Variants in APP observed in about 807,000 individuals in gnomAD.
APP encodes amyloid beta precursor protein.
APP carries 31 observed loss-of-function variants against 101.4 expected under a neutral mutation model. The ratio of observed to expected loss-of-function variants is 0.31; its 90% CI spans 0.23 to 0.41. The LOEUF (loss-of-function observed/expected upper bound fraction) is 0.41. APP is among the 10% of genes least tolerant of loss of function. The pLI is 1.00. For synonymous variants in APP, 366 were observed against 364.4 expected (o/e 1.00, Z -0.05); for missense variants, 839 against 1,003.7 (o/e 0.84, Z 2.22).
chr21:26,053,177 T>C (rs1202302120), intron 4 of APP, 59 bp downstream of exon 4: 1 of 1,292,030 alleles, frequency 7.7e-7, no homozygotes, highest in Admixed American at 1.7e-5. Flanking sequence ...TAAAATGCCA[T>C]TAAGCACGTC....
intron 13 of APP, among the ~76,000 whole-genome samples, chr21:25,927,061 C>G (rs1306703012): frequency 6.6e-6 from 1 of 150,810 alleles, no homozygotes; most frequent in Non-Finnish European, 1.5e-5. Flanking sequence ...TCACAAGCAC[C>G]CTCTTTTTCA....
At chr21:25,948,932 A>G (rs1042085070) in intron 13 of APP, among the ~76,000 whole-genome samples, 16 of 152,214 alleles carry the variant, frequency 1.1e-4, no homozygotes, top group African/African-American at 3.9e-4. Context: ...ACTGAAGAGG[A>G]GCCATAGTTT....
chr21:26,152,227 G>A (rs1022898596), intron 1 of APP, among the ~76,000 whole-genome samples: 14 of 141,564 alleles, frequency 9.9e-5, no homozygotes, highest in South Asian at 9.0e-4. Context: ...GGAGCTTGCA[G>A]TGAGCCGAGA....
chr21:25,923,423 T>G (rs1210471591), intron 13 of APP, among the ~76,000 whole-genome samples: 1 of 139,142 alleles, frequency 7.2e-6, no homozygotes, highest in Non-Finnish European at 1.5e-5. Context: ...CAAAAGAAAC[T>G]ACCATCAGAG....
intron 8 of APP, among the ~76,000 whole-genome samples, chr21:25,986,343 ATTT>A (rs1381453651): frequency 2.0e-5 from 3 of 152,178 alleles, no homozygotes; most frequent in African/African-American, 7.2e-5. Flanking sequence ...CTGGTTTTGC[ATTT>A]TAAACTACCA....
chr21:26,106,867 T>C (rs770518773), intron 2 of APP, among the ~76,000 whole-genome samples: 3 of 152,218 alleles, frequency 2.0e-5, no homozygotes, highest in Admixed American at 6.5e-5. Flanking sequence ...TTTCCTGCAA[T>C]GGACTACAAC....
At chr21:26,113,325 C>T (rs1464824965) in intron 1 of APP, among the ~76,000 whole-genome samples, 2 of 152,208 alleles carry the variant, frequency 1.3e-5, no homozygotes, top group Non-Finnish European at 2.9e-5. Context: ...ACTAAAATTG[C>T]ACTGAGAAAT....
At chr21:25,912,865 C>G (rs543792624) in intron 13 of APP, among the ~76,000 whole-genome samples, 1 of 151,932 alleles carries the variant, frequency 6.6e-6, no homozygotes, top group South Asian at 2.1e-4. Context: ...AAAACTGACC[C>G]CAGGATATGA....
At chr21:26,150,597 C>CTAGATAGA (rs767289054) in intron 1 of APP, among the ~76,000 whole-genome samples, 3 of 83,376 alleles carry the variant, frequency 3.6e-5, no homozygotes, top group Non-Finnish European at 6.4e-5. Flanking sequence ...TGATTGACAT[C>CTAGATAGA]TAGATAGACA....
At chr21:26,149,971 G>GA (rs1251173757) in intron 1 of APP, among the ~76,000 whole-genome samples, 1 of 152,096 alleles carries the variant, frequency 6.6e-6, no homozygotes, top group Non-Finnish European at 1.5e-5. Context: ...TAGAAAAGGG[G>GA]AAAAAAACCT....
chr21:26,072,711 T>C (rs1218754629), intron 3 of APP, among the ~76,000 whole-genome samples: 1 of 152,006 alleles, frequency 6.6e-6, no homozygotes, highest in Non-Finnish European at 1.5e-5. Context: ...CAGAATCAGG[T>C]TGATTTCTGC....
intron 11 of APP, among the ~76,000 whole-genome samples, chr21:25,960,809 T>C (rs533663517): frequency 6.6e-6 from 1 of 152,338 alleles, no homozygotes; most frequent in East Asian, 1.9e-4. Context: ...AGGAAGACCT[T>C]AGGATATCTC....
chr21:25,903,383 A>G (rs1009041798), intron 15 of APP, among the ~76,000 whole-genome samples: 1 of 145,458 alleles, frequency 6.9e-6, no homozygotes, highest in Admixed American at 6.9e-5. Context: ...AAAAAAAAAA[A>G]AAATCAAAAA....
intron 2 of APP, among the ~76,000 whole-genome samples, chr21:26,107,929 T>C (rs2062221432): frequency 6.6e-6 from 1 of 152,234 alleles, no homozygotes; most frequent in Non-Finnish European, 1.5e-5. Flanking sequence ...GAAAGGCATA[T>C]AATCATCTTA....
At chr21:25,999,941 C>G (rs2043216429) in intron 7 of APP, 74 bp downstream of exon 7, 1 of 1,528,320 alleles carries the variant, frequency 6.5e-7, no homozygotes, top group East Asian at 2.4e-5. Flanking sequence ...CCAGGAAAAT[C>G]AATCTGTTAC....
chr21:25,985,489 G>A (rs1205496077), intron 8 of APP, among the ~76,000 whole-genome samples: 1 of 152,260 alleles, frequency 6.6e-6, no homozygotes. Flanking sequence ...CCTGAGTCAG[G>A]ATATTGGTCT....
rs143803017 is a variant in APP at position 26,117,135 on chromosome 21, C to T, written c.58-4989G>A. Among the ~76,000 whole-genome samples, 203 of 152,312 alleles carry T rather than the reference C, an allele frequency of 1.3e-3. 1 individual carries two copies. The highest frequency in any genetic ancestry group is 3.4e-3 in the Middle Eastern group (1 of 294). On this transcript the variant is annotated intron_variant, in intron 1 of 17. Transcript: ENST00000346798. ...CTGGCCTCAAGTGATCCTCCTGCCT[C>T]GGCCTCCCAAAATGTTGGGATTACA...
chr21:25,976,378 T>G (rs917398224), intron 9 of APP, among the ~76,000 whole-genome samples: 2 of 152,210 alleles, frequency 1.3e-5, no homozygotes, highest in African/African-American at 4.8e-5. Context: ...CTTCCAATAT[T>G]AAACTGAACA....
At chr21:26,141,718 G>A (rs1024885343) in intron 1 of APP, among the ~76,000 whole-genome samples, 1 of 152,036 alleles carries the variant, frequency 6.6e-6, no homozygotes, top group Non-Finnish European at 1.5e-5. Flanking sequence ...TTTCTTTTAC[G>A]CCTCACAACA....
Sources: gnomAD v4.1 joint callset for allele counts (sites outside exome capture counted in the v4.1 genomes callset) on GRCh38, gnomAD v4.1.1 for gene constraint, MANE v1.5 for transcripts, NCBI Gene and HGNC (gene_info 2026-07-23, HGNC 2026-07-21) for gene names.